The following ARHGEF26 variants were observed in gnomAD, a reference collection of about 807,000 sequenced individuals.
ARHGEF26 encodes Rho guanine nucleotide exchange factor (GEF) 26.
In ARHGEF26, 59 loss-of-function variants were observed where a neutral mutation model predicts 89.4. The observed-to-expected ratio is 0.66, with a 90% confidence interval of 0.54 to 0.82. The LOEUF is 0.82. ARHGEF26 is among the 40% of genes least tolerant of loss of function. The probability of loss-of-function intolerance (pLI) is 0.00; values close to 1 mark genes in which losing one functional copy is unlikely to be tolerated. For synonymous variants in ARHGEF26, 500 were observed against 428.4 expected (o/e 1.17, Z -2.06); for missense variants, 1,234 against 1,085.6 (o/e 1.14, Z -1.92).
chr3:154,235,156 CAAAA>C (rs888637887), intron 11 of ARHGEF26, among the ~76,000 whole-genome samples: 2 of 151,958 alleles, frequency 1.3e-5, no homozygotes, highest in Admixed American at 6.6e-5. Flanking sequence ...TGCCATCTCT[CAAAA>C]AACCCTTGCT....
Position 154,124,482 on chromosome 3 carries a change from GT to G in ARHGEF26, c.1123+36del, listed in dbSNP as rs1718205744. Reference sequence around the variant, plus strand: ...TTTAATTTTCCAAACTTTCATTGCTGTTTCAATGTGGAATACCAATTATAAG... The same window carrying G: ...TTTAATTTTCCAAACTTTCATTGCTGTTCAATGTGGAATACCAATTATAAG... On this transcript the variant is annotated intron_variant, in intron 3 of 14. Transcript: ENST00000465093. The G allele has an allele frequency of 2.0e-6, 3 of 1,504,498 alleles. No homozygotes were observed. In the East Asian group the frequency reaches 7.4e-5, roughly 37 times the overall value. The allele number at this position is 1,504,498 out of a possible 1,614,324, so 93.2% of individuals were successfully genotyped here.
chr3:154,248,912 A>C (rs1163299713), intron 12 of ARHGEF26, among the ~76,000 whole-genome samples: 1 of 152,110 alleles, frequency 6.6e-6, no homozygotes, highest in Non-Finnish European at 1.5e-5. Flanking sequence ...TCTTTCATGG[A>C]TCAGTTTTCT....
chr3:154,235,581 G>C (rs1035804488), intron 11 of ARHGEF26, among the ~76,000 whole-genome samples: 6 of 152,198 alleles, frequency 3.9e-5, no homozygotes, highest in African/African-American at 1.4e-4. Context: ...AGCAGCCACA[G>C]ACACCTAGAG....
chr3:154,151,468 GA>G (rs1412779406), intron 5 of ARHGEF26, among the ~76,000 whole-genome samples: 7 of 152,148 alleles, frequency 4.6e-5, no homozygotes, highest in African/African-American at 1.7e-4. Context: ...ATCAACACCT[GA>G]AATCCATTAT....
At chr3:154,246,235 G>A (rs1394255120) in intron 12 of ARHGEF26, among the ~76,000 whole-genome samples, 1 of 152,162 alleles carries the variant, frequency 6.6e-6, no homozygotes, top group Non-Finnish European at 1.5e-5. Flanking sequence ...TGCAGAGTCA[G>A]AATGTTTCAG....
chr3:154,155,176 T>G (rs538702488), intron 6 of ARHGEF26, among the ~76,000 whole-genome samples: 2 of 152,162 alleles, frequency 1.3e-5, no homozygotes, highest in East Asian at 3.9e-4. Context: ...ATTTCTCTTA[T>G]AAGCTTTTCC....
intron 3 of ARHGEF26, 52 bp downstream of exon 3, chr3:154,124,501 A>G (rs1208358519): frequency 2.7e-6 from 4 of 1,469,882 alleles, no homozygotes; most frequent in Non-Finnish European, 3.6e-6. Flanking sequence ...TGGAATACCA[A>G]TTATAAGTTG....
rs185885636 is a variant in ARHGEF26, at chr3:154,143,170, A to G, written c.1270-6219A>G. On this transcript the variant is annotated intron_variant, in intron 4 of 14. Transcript: ENST00000465093. ...AGCCAAGACATGTTTATTACAGAAAAATCAGAAAGTACCAATAGATAAAAA... is the reference window on the plus strand; with the variant it reads ...AGCCAAGACATGTTTATTACAGAAAGATCAGAAAGTACCAATAGATAAAAA... Among the ~76,000 whole-genome samples, 223 of 152,368 alleles carry G rather than the reference A, an allele frequency of 1.5e-3. 2 individuals carry two copies. Among genetic ancestry groups the G allele is most frequent in the Admixed American group, 0.013 (198 of 15,302 alleles).
At chr3:154,216,640 C>T (rs1187099610) in intron 9 of ARHGEF26, among the ~76,000 whole-genome samples, 1 of 128,912 alleles carries the variant, frequency 7.8e-6, no homozygotes, top group Non-Finnish European at 1.6e-5. Flanking sequence ...CCCACTAACT[C>T]GTCATCTAGC....
Position 154,256,575 on chromosome 3 carries a change from ACCTT to A in ARHGEF26, c.*1105_*1108del. On this transcript the variant is annotated 3_prime_UTR_variant, in exon 15 of 15. Transcript: ENST00000465093. ...AAAAAAAAAAAAAAAAAAAAAAAAA[ACCTT>A]CCCAAATGAGCTGATAAAAAACTGA... 5.0e-6 allele frequency: 4 copies of A among 794,502 alleles called. No homozygotes were observed. Among genetic ancestry groups the A allele is most frequent in the Non-Finnish European group, 5.9e-6 (4 of 675,998 alleles). The allele number at this position is 794,502 out of a possible 1,614,324, so 49.2% of individuals were successfully genotyped here.
rs562897905 is a variant in ARHGEF26, at chr3:154,213,733, A to G, written c.1846-4136A>G. Among the ~76,000 whole-genome samples, 131 of 152,278 alleles carry G rather than the reference A, an allele frequency of 8.6e-4. 1 individual carries two copies. Among genetic ancestry groups the G allele is most frequent in the South Asian group, 2.7e-3 (13 of 4,822 alleles). On this transcript the variant is annotated intron_variant, in intron 9 of 14. Transcript: ENST00000465093. ...GATGATCACTTGATGTCAGGAGTTC[A>G]AGACCAGCCTGAGCAATGTAGTGAG...
chr3:154,122,014 G>C lies in ARHGEF26; in HGVS notation c.22G>C (p.Asp8His), dbSNP rs200140877. ...GGCTATGGACGGCGAGAGCGAGGTG[G>C]ATTTTTCTAGCAACAGCATAACCCC... MDGESEV[D>H]FSSNSITPLW... Residue 8 changes from aspartate (D) to histidine (H), a missense_variant, in exon 2 of 15, where the codon GAT becomes CAT. Coordinates refer to ENST00000465093, the MANE Select transcript of ARHGEF26 (RefSeq NM_015595.4). 6.3e-7 allele frequency: 1 copy of C among 1,595,382 alleles called. No individual in the cohort carries two copies. The highest frequency in any genetic ancestry group is 2.3e-5 in the East Asian group (1 of 44,318).
At chr3:154,234,995 C>T (rs557219156) in intron 11 of ARHGEF26, among the ~76,000 whole-genome samples, 1 of 152,130 alleles carries the variant, frequency 6.6e-6, no homozygotes, top group Admixed American at 6.5e-5. Context: ...ATCTCCTGAC[C>T]TTGTGATCCG....
intron 12 of ARHGEF26, among the ~76,000 whole-genome samples, chr3:154,242,282 C>A (rs191434438): frequency 6.6e-6 from 1 of 152,156 alleles, no homozygotes; most frequent in Admixed American, 6.5e-5. Context: ...GATTCACCAT[C>A]GTAGATGTCA....
At chr3:154,140,587 G>C (rs1559856067) in intron 4 of ARHGEF26, among the ~76,000 whole-genome samples, 1 of 88,710 alleles carries the variant, frequency 1.1e-5, no homozygotes, top group Non-Finnish European at 2.0e-5. Context: ...GTTTCTGAGT[G>C]CTTTTTTTTT....
intron 4 of ARHGEF26, among the ~76,000 whole-genome samples, chr3:154,144,236 G>C (rs573885674): frequency 2.0e-5 from 3 of 152,252 alleles, no homozygotes; most frequent in Admixed American, 2.0e-4. Context: ...TCAGGCTTTG[G>C]GGGTGGACAG....
intron 9 of ARHGEF26, among the ~76,000 whole-genome samples, chr3:154,200,529 C>T (rs1217841616): frequency 2.0e-5 from 3 of 151,952 alleles, no homozygotes; most frequent in South Asian, 2.1e-4. Context: ...CTTAGGACAG[C>T]TTTGGCTATT....
intron 9 of ARHGEF26, among the ~76,000 whole-genome samples, chr3:154,200,404 G>C (rs147973543): frequency 6.6e-6 from 1 of 151,988 alleles, no homozygotes; most frequent in African/African-American, 2.4e-5. Context: ...TCTTTTTTCT[G>C]CTCCACTGGC....
chr3:154,156,191 A>G (rs1720329367), intron 6 of ARHGEF26, among the ~76,000 whole-genome samples: 1 of 152,056 alleles, frequency 6.6e-6, no homozygotes, highest in African/African-American at 2.4e-5. Flanking sequence ...CCAGAATAAA[A>G]CAGGGGAGGT....
Sources: allele counts gnomAD v4.1 joint callset (sites outside exome capture counted in the v4.1 genomes callset), GRCh38; gene constraint gnomAD v4.1.1; transcripts MANE v1.5; gene names NCBI Gene and HGNC (gene_info 2026-07-23, HGNC 2026-07-21).